Variants in GRIN2B observed in about 807,000 individuals in gnomAD.
The protein encoded by GRIN2B is glutamate receptor ionotropic, NMDA 2B.
In GRIN2B, 5 loss-of-function variants were observed where a neutral mutation model predicts 114.5. The ratio of observed to expected loss-of-function variants is 0.04; its 90% CI spans 0.02 to 0.09. GRIN2B has a LOEUF of 0.09. Ranked by LOEUF, GRIN2B falls within the 10% of genes least tolerant of loss-of-function variation. The pLI is 1.00. For synonymous variants in GRIN2B, 787 were observed against 745.1 expected, an observed-to-expected ratio of 1.06 and a Z score of -0.92; for missense variants, 1,108 against 1,943.5, an observed-to-expected ratio of 0.57 and a Z score of 8.08.
At chr12:13,617,472 G>A (rs1949459307) in intron 5 of GRIN2B, among the ~76,000 whole-genome samples, 1 of 152,182 alleles carries the variant, frequency 6.6e-6, no homozygotes, top group Non-Finnish European at 1.5e-5. Context: ...CGGCCTGCTG[G>A]CAACCATCCT....
At chr12:13,899,335 T>C (rs1171880227) in intron 2 of GRIN2B, among the ~76,000 whole-genome samples, 1 of 150,860 alleles carries the variant, frequency 6.6e-6, no homozygotes, top group Non-Finnish European at 1.5e-5. Context: ...AAAAAAAGAC[T>C]GGGTAATGTT....
chr12:13,903,045 A>G (rs1454381112), intron 2 of GRIN2B, among the ~76,000 whole-genome samples: 2 of 152,228 alleles, frequency 1.3e-5, no homozygotes, highest in African/African-American at 4.8e-5. Flanking sequence ...ATAAAATTTT[A>G]TAATGATTTC....
In GRIN2B at chr12:13,564,461, C is replaced by T. The variant is rs1340550286; in HGVS notation, c.2777G>A (p.Arg926Gln). ...GSPQSALDFI[R>Q]RESSVYDISE... is the part of the protein sequence containing the mutation. ...GATGTCATAGACGGATGACTCCCGT[C>T]GGATGAAGTCCAGGGCGCTCTGCGG... The change falls in exon 14 of 14, where the codon CGA (arginine) becomes CAA (glutamine). Residue 926 changes from arginine to glutamine, a missense_variant. Coordinates refer to ENST00000609686, the MANE Select transcript of GRIN2B (RefSeq NM_000834.5). This position sits in a 1 kb window ranked among gnomAD's most constrained non-coding sequence, Gnocchi z 4.8. The T allele has an allele frequency of 3.1e-6, 5 of 1,614,204 alleles. No individual in the cohort carries two copies. The highest frequency in any genetic ancestry group is 1.1e-5 in the South Asian group (1 of 91,082).
At chr12:13,912,575 C>G (rs1029629324) in intron 2 of GRIN2B, among the ~76,000 whole-genome samples, 1 of 152,082 alleles carries the variant, frequency 6.6e-6, no homozygotes, top group African/African-American at 2.4e-5. Flanking sequence ...GCACAGGGTG[C>G]GGATGTAGCC....
intron 2 of GRIN2B, among the ~76,000 whole-genome samples, chr12:13,871,371 C>A: frequency 6.8e-6 from 1 of 147,566 alleles, no homozygotes; most frequent in African/African-American, 2.5e-5. Flanking sequence ...TACTACATAT[C>A]CAAAATCTTA....
intron 2 of GRIN2B, among the ~76,000 whole-genome samples, chr12:13,936,160 G>C (rs1220557763): frequency 1.3e-5 from 2 of 152,156 alleles, no homozygotes; most frequent in African/African-American, 2.4e-5. Context: ...CATGCGCAGG[G>C]AAAGACTTCC....
chr12:13,593,132 T>A (rs774760886), intron 10 of GRIN2B, among the ~76,000 whole-genome samples: 8 of 152,202 alleles, frequency 5.3e-5, no homozygotes, highest in Non-Finnish European at 8.8e-5. Flanking sequence ...CAAAGTAATT[T>A]ATACATTCAG....
intron 3 of GRIN2B, among the ~76,000 whole-genome samples, chr12:13,848,701 A>G (rs560138826): frequency 3.3e-5 from 5 of 152,306 alleles, no homozygotes; most frequent in African/African-American, 1.2e-4. Flanking sequence ...CCAGCTCCAG[A>G]TACTTCCAAC....
intron 4 of GRIN2B, among the ~76,000 whole-genome samples, chr12:13,717,937 A>C (rs76159447): frequency 1.3e-5 from 2 of 152,164 alleles, no homozygotes; most frequent in East Asian, 3.9e-4. Flanking sequence ...AAGGTCAGAC[A>C]CTGAGGATGC....
intron 3 of GRIN2B, among the ~76,000 whole-genome samples, chr12:13,775,434 G>A (rs1863986708): frequency 6.6e-6 from 1 of 152,122 alleles, no homozygotes; most frequent in Non-Finnish European, 1.5e-5. Flanking sequence ...TGCCTCTCCG[G>A]GTAAATGAGA....
chr12:13,766,176 G>GTATTTTTTAAAA (rs1863782643), intron 3 of GRIN2B, among the ~76,000 whole-genome samples: 1 of 152,138 alleles, frequency 6.6e-6, no homozygotes, highest in African/African-American at 2.4e-5. Context: ...TGCTTATCAG[G>GTATTTTTTAAAA]TGCTGTAGGA....
rs1202653778 is a variant in GRIN2B, at chr12:13,967,887, A to AAATC, written c.-19+12037_-19+12040dup. 2.6e-5 allele frequency among the ~76,000 whole-genome samples: 4 copies of AAATC among 152,208 alleles called. No homozygotes were observed. The East Asian group carries it at 7.7e-4, about 29-fold the overall frequency. ...AGGCATGAGCAAAGGCCTGGAGTGT[A>AAATC]AATCAGCCTTTCACAGTATCCCTTG... On this transcript the variant is annotated intron_variant, in intron 2 of 13. Transcript: ENST00000609686.
At chr12:13,773,327 A>C (rs1267935898) in intron 3 of GRIN2B, among the ~76,000 whole-genome samples, 3 of 152,216 alleles carry the variant, frequency 2.0e-5, no homozygotes, top group Admixed American at 6.5e-5. Context: ...TTGAATGTTT[A>C]TGTACAAAAA....
intron 3 of GRIN2B, among the ~76,000 whole-genome samples, chr12:13,789,994 C>T (rs1048784587): frequency 1.1e-4 from 16 of 152,194 alleles, no homozygotes; most frequent in Admixed American, 7.2e-4. Context: ...AGCATCCTTA[C>T]TCTTCCTACA....
At chr12:13,906,476 G>T (rs1463798597) in intron 2 of GRIN2B, among the ~76,000 whole-genome samples, 1 of 152,210 alleles carries the variant, frequency 6.6e-6, no homozygotes, top group Admixed American at 6.5e-5. Context: ...GTTGTAGAGA[G>T]ACAATGTCTC....
intron 4 of GRIN2B, among the ~76,000 whole-genome samples, chr12:13,696,400 T>C (rs1950259062): frequency 6.6e-6 from 1 of 152,136 alleles, no homozygotes; most frequent in Non-Finnish European, 1.5e-5. Flanking sequence ...ATCACCAACA[T>C]CTCTTTTGCA....
At chr12:13,689,704 A>G (rs768765902) in intron 4 of GRIN2B, among the ~76,000 whole-genome samples, 10 of 152,170 alleles carry the variant, frequency 6.6e-5, no homozygotes, top group Non-Finnish European at 1.3e-4. Context: ...CGCACTGCCT[A>G]GAGCCAAAGT....
At chr12:13,773,429 C>T (rs1213545250) in intron 3 of GRIN2B, among the ~76,000 whole-genome samples, 3 of 152,234 alleles carry the variant, frequency 2.0e-5, no homozygotes, top group Admixed American at 6.5e-5. Context: ...GCACCTAACA[C>T]TGTTGTAAAA....
chr12:13,714,628 G>T (rs959689820), intron 4 of GRIN2B, among the ~76,000 whole-genome samples: 3 of 151,900 alleles, frequency 2.0e-5, no homozygotes, highest in Admixed American at 2.0e-4. Context: ...AAGCCCAAAG[G>T]GGGAACGCTG....
Sources: allele counts gnomAD v4.1 joint callset (sites outside exome capture counted in the v4.1 genomes callset), GRCh38; gene constraint gnomAD v4.1.1; non-coding constraint Gnocchi (gnomAD v3.1); transcripts MANE v1.5; gene names NCBI Gene and HGNC (gene_info 2026-07-23, HGNC 2026-07-21).